The following KCNK2 variants were observed in gnomAD, a reference collection of about 807,000 sequenced individuals.
KCNK2 encodes the protein potassium channel subfamily K member 2.
KCNK2 carries 21 observed loss-of-function variants against 40.5 expected under a neutral mutation model. The ratio of observed to expected loss-of-function variants is 0.52; its 90% CI spans 0.37 to 0.75. The LOEUF (loss-of-function observed/expected upper bound fraction) is 0.75. Ranked by LOEUF, KCNK2 falls within the 30% of genes least tolerant of loss-of-function variation. KCNK2 has a pLI of 0.00. For missense variants in KCNK2, 399 were observed against 531.6 expected, an observed-to-expected ratio of 0.75 and a Z score of 2.45; for synonymous variants, 191 against 202.2, an observed-to-expected ratio of 0.94 and a Z score of 0.47.
intron 3 of KCNK2, among the ~76,000 whole-genome samples, chr1:215,145,942 C>T (rs1662395623): frequency 6.6e-6 from 1 of 152,128 alleles, no homozygotes; most frequent in Non-Finnish European, 1.5e-5. Context: ...TTAAATAACA[C>T]ATGAATTTAC....
At chr1:215,229,234 GATTA>G (rs1666521299) in intron 6 of KCNK2, among the ~76,000 whole-genome samples, 1 of 143,150 alleles carries the variant, frequency 7.0e-6, no homozygotes, top group Admixed American at 7.0e-5. Context: ...GAATGTGAAT[GATTA>G]ATTCTTTCTT....
At chr1:215,070,362 G>C (rs1428558141) in intron 1 of KCNK2, among the ~76,000 whole-genome samples, 1 of 148,756 alleles carries the variant, frequency 6.7e-6, no homozygotes, top group East Asian at 2.0e-4. Context: ...CTTGCAGTGA[G>C]CCGAGATTGC....
chr1:215,093,947 A>G (rs1476244567), intron 2 of KCNK2, among the ~76,000 whole-genome samples: 1 of 127,304 alleles, frequency 7.9e-6, no homozygotes, highest in Non-Finnish European at 1.6e-5. Context: ...GACAATATAT[A>G]TAATATATAA....
chr1:215,072,879 A>G (rs1244724192), intron 1 of KCNK2, among the ~76,000 whole-genome samples: 1 of 152,126 alleles, frequency 6.6e-6, no homozygotes, highest in African/African-American at 2.4e-5. Flanking sequence ...TTGTCCCCCC[A>G]CTACAATAAA....
rs145974970 is a variant in KCNK2 at position 215,058,143 on chromosome 1, A to G, written c.35-28225A>G. On this transcript the variant is annotated intron_variant, in intron 1 of 6. Transcript: ENST00000391895. ...TGGACCTAATTGAAGCTTTGCCTCA[A>G]GCTCTCTTCTAGGATACCATCTCTC... is the stretch of plus-strand genomic sequence containing the variant. Among the ~76,000 whole-genome samples, 332 of 152,262 alleles carry G rather than the reference A, an allele frequency of 2.2e-3. 3 individuals are homozygous for G. The highest frequency in any genetic ancestry group is 7.7e-3 in the African/African-American group (321 of 41,536).
At chr1:215,060,162 G>A (rs998733362) in intron 1 of KCNK2, among the ~76,000 whole-genome samples, 3 of 152,160 alleles carry the variant, frequency 2.0e-5, no homozygotes, top group Admixed American at 1.3e-4. Flanking sequence ...GATTCAGTCC[G>A]CAGTGCCAGC....
chr1:215,139,383 G>A (rs1029004190), intron 3 of KCNK2, among the ~76,000 whole-genome samples: 3 of 152,118 alleles, frequency 2.0e-5, no homozygotes, highest in African/African-American at 7.2e-5. Flanking sequence ...TTGAAGATTT[G>A]CTTTATTGTT....
At chr1:215,188,308 A>G (rs1664534428) in intron 5 of KCNK2, among the ~76,000 whole-genome samples, 2 of 152,108 alleles carry the variant, frequency 1.3e-5, no homozygotes, top group Admixed American at 6.6e-5. Context: ...CTTCTGGCAT[A>G]TTTACCTTTA....
chr1:215,053,634 T>C (rs1363895011), intron 1 of KCNK2, among the ~76,000 whole-genome samples: 1 of 152,190 alleles, frequency 6.6e-6, no homozygotes, highest in East Asian at 1.9e-4. Flanking sequence ...AATTGATAAA[T>C]AAATGAATGC....
chr1:215,168,020 CA>C lies in KCNK2; in HGVS notation c.476-1177del, dbSNP rs752158726. Among the ~76,000 whole-genome samples the C allele has an allele frequency of 4.2e-4, 64 of 151,632 alleles. 1 individual carries two copies. The highest frequency in any genetic ancestry group is 7.4e-5 in the Non-Finnish European group (5 of 67,886). ...TCTACAAGGAACTTAAACACATTAA[CA>C]AGAAAAAAAACCGATAAAAAACTGG... On this transcript the variant is annotated intron_variant, in intron 3 of 6. Transcript: ENST00000444842.
chr1:215,166,054 A>G (rs922745908), intron 3 of KCNK2, among the ~76,000 whole-genome samples: 5 of 152,168 alleles, frequency 3.3e-5, no homozygotes, highest in Non-Finnish European at 7.4e-5. Flanking sequence ...TTGTTAGATA[A>G]TCGATATCTA....
At chr1:215,096,566 G>T (rs538095917) in intron 2 of KCNK2, among the ~76,000 whole-genome samples, 92 of 151,990 alleles carry the variant, frequency 6.1e-4, no homozygotes, top group African/African-American at 2.2e-3. Context: ...ATACAGTGGG[G>T]TTCTGACTCA....
At chr1:215,070,690 G>A (rs1658726090) in intron 1 of KCNK2, among the ~76,000 whole-genome samples, 1 of 152,094 alleles carries the variant, frequency 6.6e-6, no homozygotes, top group African/African-American at 2.4e-5. Context: ...CATGACACAT[G>A]GGAATTATGA....
chr1:215,209,210 T>C (rs1382269344), intron 6 of KCNK2, among the ~76,000 whole-genome samples: 1 of 135,542 alleles, frequency 7.4e-6, no homozygotes, highest in Non-Finnish European at 1.5e-5. Context: ...ATATAAAATA[T>C]ACACATATTT....
At chr1:215,201,058 G>A (rs548940397) in intron 6 of KCNK2, among the ~76,000 whole-genome samples, 6 of 152,238 alleles carry the variant, frequency 3.9e-5, no homozygotes, top group South Asian at 4.1e-4. Flanking sequence ...ATGAAGATTC[G>A]TAAAGTTAGT....
intron 3 of KCNK2, among the ~76,000 whole-genome samples, chr1:215,130,829 G>A (rs544109962): frequency 6.6e-5 from 10 of 151,684 alleles, no homozygotes; most frequent in African/African-American, 2.4e-4. Context: ...AGGGCTTAGC[G>A]TTTAATTTTT....
At chr1:215,072,636 AT>A (rs1194914634) in intron 1 of KCNK2, among the ~76,000 whole-genome samples, 1 of 152,194 alleles carries the variant, frequency 6.6e-6, no homozygotes, top group Non-Finnish European at 1.5e-5. Flanking sequence ...GGCCCACTTC[AT>A]GTGGGCATGT....
intron 3 of KCNK2, among the ~76,000 whole-genome samples, chr1:215,151,180 T>C (rs1392413285): frequency 6.6e-6 from 1 of 152,132 alleles, no homozygotes; most frequent in African/African-American, 2.4e-5. Flanking sequence ...GAGAAAAAAA[T>C]ATTGCACATC....
intron 3 of KCNK2, among the ~76,000 whole-genome samples, chr1:215,166,621 C>T (rs1663459409): frequency 1.3e-5 from 2 of 152,060 alleles, no homozygotes; most frequent in Admixed American, 1.3e-4. Context: ...CCCCAGAAAT[C>T]CTGTACAATG....
Sources: gnomAD v4.1 joint callset for allele counts (sites outside exome capture counted in the v4.1 genomes callset) on GRCh38, gnomAD v4.1.1 for gene constraint, MANE v1.5 for transcripts, NCBI Gene and HGNC (gene_info 2026-07-23, HGNC 2026-07-21) for gene names.